Variants in TANC1 observed in about 807,000 individuals in gnomAD.
The protein encoded by TANC1 is tetratricopeptide repeat, ankyrin repeat and coiled-coil containing 1.
A neutral mutation model predicts 149.7 loss-of-function variants in TANC1; 77 were observed. The observed-to-expected ratio is 0.51, with a 90% confidence interval of 0.43 to 0.62. The LOEUF (loss-of-function observed/expected upper bound fraction) is 0.62, where lower values mean the gene tolerates loss of function less well. Among genes scored for constraint, TANC1 ranks in the 20% least tolerant of loss-of-function variants. The pLI is 0.00. For synonymous variants in TANC1, 854 were observed against 925.0 expected (o/e 0.92, Z 1.39); for missense variants, 1,985 against 2,321.8 (o/e 0.85, Z 2.98).
chr2:159,164,676 C>T (rs2054393245), intron 8 of TANC1, among the ~76,000 whole-genome samples: 1 of 152,230 alleles, frequency 6.6e-6, no homozygotes, highest in Non-Finnish European at 1.5e-5. Flanking sequence ...AGATTCTCCG[C>T]TCCTACGTCA....
intron 1 of TANC1, among the ~76,000 whole-genome samples, 198 bp from the exon 2 acceptor site, chr2:159,000,882 C>G (rs1203633144): frequency 6.6e-6 from 1 of 152,166 alleles, no homozygotes; most frequent in African/African-American, 2.4e-5. Context: ...ATCACTGACC[C>G]TGCGCTGGAC....
At chr2:158,987,435 G>C (rs1355754543) in intron 1 of TANC1, among the ~76,000 whole-genome samples, 1 of 151,934 alleles carries the variant, frequency 6.6e-6, no homozygotes, top group East Asian at 1.9e-4. Context: ...CTGGGGGGTA[G>C]GAGGATCGCT....
chr2:159,056,171 T>A (rs185882486), intron 2 of TANC1: 4 of 240,036 alleles, frequency 1.7e-5, no homozygotes, highest in African/African-American at 9.2e-5. Flanking sequence ...ATCCAGGACG[T>A]CATAGATGGG....
intron 19 of TANC1, among the ~76,000 whole-genome samples, chr2:159,208,170 G>A (rs931971363): frequency 3.3e-5 from 5 of 152,178 alleles, no homozygotes; most frequent in African/African-American, 1.2e-4. Flanking sequence ...GCTCTCAGCA[G>A]TTGATACGTG....
At chr2:159,007,123 T>C (rs2037265866) in intron 2 of TANC1, among the ~76,000 whole-genome samples, 1 of 151,900 alleles carries the variant, frequency 6.6e-6, no homozygotes, top group African/African-American at 2.4e-5. Flanking sequence ...TGTACTGTTT[T>C]TTATCTTTAA....
At chr2:159,198,516 C>T (rs530564069) in intron 18 of TANC1, among the ~76,000 whole-genome samples, 123 of 152,228 alleles carry the variant, frequency 8.1e-4, no homozygotes, top group African/African-American at 2.7e-3. Context: ...AGGAAGAGTC[C>T]CATAAGGGAA....
In TANC1 at chr2:159,231,098, T is replaced by A; in HGVS notation, c.*86T>A. On this transcript the variant is annotated 3_prime_UTR_variant, in exon 27 of 27. Transcript: ENST00000263635. The stretch of plus-strand genomic sequence containing the variant: ...AAATAGTTTTTTTCATCAGAAAAAT[T>A]ATTTTTTAGCCATTTTTTTTCTTTG... The A allele has an allele frequency of 1.7e-6, 2 of 1,179,938 alleles. No homozygotes were observed. Among genetic ancestry groups the A allele is most frequent in the Non-Finnish European group, 2.3e-6 (2 of 851,354 alleles). 73.1% of individuals were successfully genotyped at this position (1,179,938 alleles called of 1,614,324 possible).
At position 159,178,542 on chromosome 2, in the gene TANC1, G is replaced by C. The variant is rs746255432; in HGVS notation, c.1903-14G>C. 1 of 1,539,188 alleles carries C rather than the reference G, an allele frequency of 6.5e-7. No individual in the cohort carries two copies. Among genetic ancestry groups the C allele is most frequent in the Non-Finnish European group, 8.7e-7 (1 of 1,146,008 alleles). ...CTTTAGAGTGACACTGTGGGTTTTT[G>C]TTTTCTCCCCCAGGAAATCATAAGT... On this transcript the variant is annotated splice_polypyrimidine_tract_variant and intron_variant, in intron 13 of 26. Transcript: ENST00000263635.
chr2:159,201,576 T>C (rs2058252035), intron 19 of TANC1, among the ~76,000 whole-genome samples: 1 of 152,200 alleles, frequency 6.6e-6, no homozygotes, highest in Non-Finnish European at 1.5e-5. Flanking sequence ...CATCCTGTTC[T>C]CGTTTGGTCC....
At chr2:159,153,990 G>T (rs904301332) in intron 7 of TANC1, among the ~76,000 whole-genome samples, 3 of 152,194 alleles carry the variant, frequency 2.0e-5, no homozygotes, top group African/African-American at 7.2e-5. Context: ...GGCTGGTGAG[G>T]ACCCATGCTC....
rs1183410283 is a variant in TANC1 at position 159,217,520 on chromosome 2, G to C, written c.3268G>C (p.Gly1090Arg). 5 of 1,614,242 alleles carry C rather than the reference G, an allele frequency of 3.1e-6. No homozygotes were observed. Among genetic ancestry groups the C allele is most frequent in the Non-Finnish European group, 4.2e-6 (5 of 1,180,054 alleles). ...ETALTAAAGR[G>R]KLEVCELLLG... ...AGCCCTGACTGCCGCCGCAGGAAGA[G>C]GGAAGCTGGAGGTCTGTGAGCTGCT... The change falls in exon 20 of 27, where the codon GGG (glycine) becomes CGG (arginine). Residue 1090 changes from glycine to arginine, a missense_variant. Coordinates refer to ENST00000263635, the MANE Select transcript of TANC1 (RefSeq NM_033394.3).
intron 2 of TANC1, among the ~76,000 whole-genome samples, chr2:159,003,809 T>C (rs977197164): frequency 1.3e-5 from 2 of 152,160 alleles, no homozygotes; most frequent in African/African-American, 4.8e-5. Flanking sequence ...CGTGCTGGTG[T>C]TGGAGGACCC....
intron 2 of TANC1, among the ~76,000 whole-genome samples, chr2:159,060,657 G>A (rs1445433526): frequency 6.6e-6 from 1 of 152,216 alleles, no homozygotes; most frequent in Non-Finnish European, 1.5e-5. Context: ...TGCGAAGCCT[G>A]TGTTCTGGCT....
chr2:159,207,716 A>C (rs1344925266), intron 19 of TANC1, among the ~76,000 whole-genome samples: 1 of 149,544 alleles, frequency 6.7e-6, no homozygotes, highest in African/African-American at 2.5e-5. Context: ...AAAAAAAAAA[A>C]AAAAAAAAAA....
At chr2:159,007,138 G>GTTTTTTTT (rs70994252) in intron 2 of TANC1, among the ~76,000 whole-genome samples, 16 of 69,508 alleles carry the variant, frequency 2.3e-4, no homozygotes, top group South Asian at 7.4e-4. Flanking sequence ...CTTTAATACT[G>GTTTTTTTT]TTTTTTTTTT....
At chr2:159,159,717 T>TGAGAGAGAGA (rs56101796) in intron 7 of TANC1, among the ~76,000 whole-genome samples, 4 of 114,920 alleles carry the variant, frequency 3.5e-5, no homozygotes, top group East Asian at 2.6e-4. Flanking sequence ...TGTGTGTGTG[T>TGAGAGAGAGA]GAGAGAGAGA....
At chr2:158,974,399 C>A (rs1250477212) in intron 1 of TANC1, among the ~76,000 whole-genome samples, 1 of 152,156 alleles carries the variant, frequency 6.6e-6, no homozygotes, top group Non-Finnish European at 1.5e-5. Flanking sequence ...GTATTATTTG[C>A]ATATAGCTTA....
chr2:159,138,422 G>C (rs2051002559), intron 5 of TANC1, among the ~76,000 whole-genome samples: 1 of 152,122 alleles, frequency 6.6e-6, no homozygotes, highest in African/African-American at 2.4e-5. Flanking sequence ...AATTAGTATA[G>C]AATGGTATGT....
chr2:159,111,172 G>A (rs984898892), intron 4 of TANC1, among the ~76,000 whole-genome samples: 1 of 152,246 alleles, frequency 6.6e-6, no homozygotes, highest in Non-Finnish European at 1.5e-5. Flanking sequence ...AGGATGCCTG[G>A]TGGTGCCCTG....
Sources: allele counts gnomAD v4.1 joint callset (sites outside exome capture counted in the v4.1 genomes callset), GRCh38; gene constraint gnomAD v4.1.1; transcripts MANE v1.5; gene names NCBI Gene and HGNC (gene_info 2026-07-23, HGNC 2026-07-21).